The following PMEPA1 variants were observed in gnomAD, a reference collection of about 807,000 sequenced individuals.
PMEPA1 encodes the protein protein TMEPAI.
PMEPA1 carries 11 observed loss-of-function variants against 23.0 expected under a neutral mutation model. The observed-to-expected ratio is 0.48, with a 90% confidence interval of 0.30 to 0.79. The LOEUF (loss-of-function observed/expected upper bound fraction) is 0.79. PMEPA1 is among the 30% of genes least tolerant of loss of function. PMEPA1 has a pLI of 0.06. For missense variants in PMEPA1, 377 were observed against 390.9 expected, an observed-to-expected ratio of 0.96 and a Z score of 0.30; for synonymous variants, 204 against 166.4, an observed-to-expected ratio of 1.23 and a Z score of -1.74.
Position 57,709,536 on chromosome 20 carries a change from CCGG to C in PMEPA1, c.44_46del (p.Ala15del), listed in dbSNP as rs546397966. 9.0e-4 allele frequency: 1,002 copies of C among 1,109,150 alleles called. No homozygotes were observed. Among genetic ancestry groups the C allele is most frequent in the South Asian group, 4.2e-3 (162 of 38,448 alleles). The allele number at this position is 1,109,150 out of a possible 1,614,324, so 68.7% of individuals were successfully genotyped here. A position where few individuals can be genotyped will look rare whatever the true frequency, so the allele number is the denominator to read the frequency against. On this transcript the variant is annotated inframe_deletion, in exon 1 of 4. Transcript: ENST00000341744. ...GCACGTGCAGGAGACATTGGGCTGC[CCGG>C]CGGCGGCGGCGGCGGTGCTGTTGAC...
rs2071731474 is a variant in PMEPA1 at position 57,682,413 on chromosome 20, T to TA, written c.110-22717dup. Among the ~76,000 whole-genome samples the TA allele has an allele frequency of 6.6e-6, 1 of 152,168 alleles. No homozygotes were observed. Among genetic ancestry groups the TA allele is most frequent in the African/African-American group, 2.4e-5 (1 of 41,422 alleles). On this transcript the variant is annotated intron_variant, in intron 1 of 3. Transcript: ENST00000341744. The surrounding 1 kb of genome is among the most constrained non-coding windows in gnomAD (Gnocchi z 4.4). Reference sequence around the variant, plus strand: ...TGACAGCCCGCTGCCCTTGCATACCTAAGCACAAAGTCACTGGTAACTAGG... The same window carrying TA: ...TGACAGCCCGCTGCCCTTGCATACCTAAAGCACAAAGTCACTGGTAACTAGG...
At chr20:57,679,427 A>G (rs1378492445) in intron 1 of PMEPA1, among the ~76,000 whole-genome samples, 1 of 152,134 alleles carries the variant, frequency 6.6e-6, no homozygotes, top group East Asian at 1.9e-4. Flanking sequence ...TGAACTTGAA[A>G]CGATTCAGGT....
chr20:57,703,967 G>C (rs187183753), intron 1 of PMEPA1, among the ~76,000 whole-genome samples: 3 of 152,236 alleles, frequency 2.0e-5, no homozygotes, highest in Admixed American at 6.5e-5. Context: ...GGGGCACAAA[G>C]GGGACACGGC....
intron 1 of PMEPA1, among the ~76,000 whole-genome samples, chr20:57,696,535 AG>A (rs1445994759): frequency 6.6e-6 from 1 of 152,228 alleles, no homozygotes; most frequent in Non-Finnish European, 1.5e-5. Context: ...TTAGTGAGAC[AG>A]GGTGTGCAAA....
intron 1 of PMEPA1, among the ~76,000 whole-genome samples, chr20:57,694,968 T>C (rs1044622245): frequency 6.6e-6 from 1 of 152,234 alleles, no homozygotes; most frequent in Admixed American, 6.5e-5. Flanking sequence ...CTTCAGAGCA[T>C]GCTAGAGTCA....
At chr20:57,709,017 G>A (rs1053205441) in intron 1 of PMEPA1, among the ~76,000 whole-genome samples, 1 of 151,942 alleles carries the variant, frequency 6.6e-6, no homozygotes, top group Non-Finnish European at 1.5e-5. Context: ...GAGACACAGC[G>A]CCGCGAACAC....
At chr20:57,705,620 G>C (rs771960781) in intron 1 of PMEPA1, among the ~76,000 whole-genome samples, 1 of 152,240 alleles carries the variant, frequency 6.6e-6, no homozygotes, top group Non-Finnish European at 1.5e-5. Context: ...AAGCTGAGTG[G>C]ATGAGTGGCT....
intron 1 of PMEPA1, among the ~76,000 whole-genome samples, chr20:57,706,418 T>A (rs1285853785): frequency 6.6e-6 from 1 of 152,212 alleles, no homozygotes. Flanking sequence ...TCTGCAAGGC[T>A]GTCACTCGTG....
intron 2 of PMEPA1, among the ~76,000 whole-genome samples, chr20:57,659,224 G>A (rs2071372149): frequency 6.6e-6 from 1 of 152,210 alleles, no homozygotes; most frequent in South Asian, 2.1e-4. Flanking sequence ...CCTGTGTGCT[G>A]CCCTCTCCCC....
Position 57,652,633 on chromosome 20 carries a change from C to T in PMEPA1, c.319-35G>A. 1.4e-6 allele frequency: 2 copies of T among 1,433,874 alleles called. No homozygotes were observed. The highest frequency in any genetic ancestry group is 1.8e-6 in the Non-Finnish European group (2 of 1,092,776). 88.8% of individuals were successfully genotyped at this position (1,433,874 alleles called of 1,614,324 possible). On this transcript the variant is annotated intron_variant, in intron 3 of 3. Transcript: ENST00000341744. The surrounding 1 kb of genome is among the most constrained non-coding windows in gnomAD (Gnocchi z 6.1). ...GCAGAGCGGGAGTGAGGGAGGGCGG[C>T]TGTCTCAGGTGGGTTGTCCAGAAGC...
At chr20:57,684,715 A>G (rs986116754) in intron 1 of PMEPA1, among the ~76,000 whole-genome samples, 1 of 152,200 alleles carries the variant, frequency 6.6e-6, no homozygotes, top group Non-Finnish European at 1.5e-5. Flanking sequence ...GGACGCATTC[A>G]ACTAGCCCTG....
intron 1 of PMEPA1, among the ~76,000 whole-genome samples, chr20:57,694,616 C>T (rs896061989): frequency 2.6e-5 from 4 of 152,216 alleles, no homozygotes; most frequent in South Asian, 2.1e-4. Flanking sequence ...ACGAGTCATG[C>T]ACCCTTGGGC....
At chr20:57,695,855 C>T (rs552331902) in intron 1 of PMEPA1, among the ~76,000 whole-genome samples, 1 of 152,192 alleles carries the variant, frequency 6.6e-6, no homozygotes, top group Non-Finnish European at 1.5e-5. Flanking sequence ...GATGGCCCGG[C>T]CCCATCCCAG....
chr20:57,678,753 T>A lies in PMEPA1; in HGVS notation c.110-19056A>T, dbSNP rs544459527. 2.6e-5 allele frequency among the ~76,000 whole-genome samples: 4 copies of A among 152,362 alleles called. No individual in the cohort carries two copies. The South Asian group carries it at 8.3e-4, about 32-fold the overall frequency. On this transcript the variant is annotated intron_variant, in intron 1 of 3. Coordinates refer to ENST00000341744, the MANE Select transcript of PMEPA1 (RefSeq NM_020182.5). Reference sequence around the variant, plus strand: ...AATCTGGAAGCACTGGCTCCTATTGTCTGCCCCAAGTAATAAGCATGGAAC... The same window carrying A: ...AATCTGGAAGCACTGGCTCCTATTGACTGCCCCAAGTAATAAGCATGGAAC...
chr20:57,661,111 C>T (rs762390588), intron 1 of PMEPA1, among the ~76,000 whole-genome samples: 11 of 152,340 alleles, frequency 7.2e-5, no homozygotes, highest in Middle Eastern at 3.4e-3. Flanking sequence ...TGTTGCCATT[C>T]GCATTTTCTA....
chr20:57,702,098 T>C (rs1298716526), intron 1 of PMEPA1, among the ~76,000 whole-genome samples: 3 of 152,134 alleles, frequency 2.0e-5, no homozygotes, highest in Non-Finnish European at 4.4e-5. Context: ...TGACTCGTGT[T>C]CTTTCACCTG....
rs193010111 is a variant in PMEPA1, at chr20:57,664,694, G to A, written c.110-4997C>T. ...CCCAGCAGGACTGCCAACGCGAGGC[G>A]GAAGGAGAGAAGGCCCAGCGCGGCC... On this transcript the variant is annotated intron_variant, in intron 1 of 3. Coordinates refer to ENST00000341744, the MANE Select transcript of PMEPA1 (RefSeq NM_020182.5). Among the ~76,000 whole-genome samples, 42 of 152,324 alleles carry A rather than the reference G, an allele frequency of 2.8e-4. 1 individual carries two copies. The East Asian group carries it at 6.9e-3, about 25-fold the overall frequency.
At chr20:57,671,008 T>G (rs1007634524) in intron 1 of PMEPA1, among the ~76,000 whole-genome samples, 1 of 152,004 alleles carries the variant, frequency 6.6e-6, no homozygotes, top group Non-Finnish European at 1.5e-5. Context: ...TGAAAGTGCA[T>G]TCAGGGAACA....
chr20:57,674,558 C>G (rs2071611115), intron 1 of PMEPA1, among the ~76,000 whole-genome samples: 1 of 152,226 alleles, frequency 6.6e-6, no homozygotes, highest in South Asian at 2.1e-4. Flanking sequence ...GACCCCTGCC[C>G]TGGATGATGG....
Sources: gnomAD v4.1 joint callset for allele counts (sites outside exome capture counted in the v4.1 genomes callset) on GRCh38, gnomAD v4.1.1 for gene constraint, Gnocchi (gnomAD v3.1) non-coding constraint, MANE v1.5 for transcripts, NCBI Gene and HGNC (gene_info 2026-07-23, HGNC 2026-07-21) for gene names.